Variants in ARHGEF4 observed in about 807,000 individuals in gnomAD.
ARHGEF4 encodes the protein Rho guanine nucleotide exchange factor 4, also known as APC-stimulated guanine nucleotide exchange factor 1.
In ARHGEF4, 119 loss-of-function variants were observed where a neutral mutation model predicts 162.0. The observed-to-expected ratio is 0.73, with a 90% confidence interval of 0.63 to 0.86. The LOEUF (loss-of-function observed/expected upper bound fraction) is 0.86. ARHGEF4 is among the 40% of genes least tolerant of loss of function. The pLI is 0.00. For missense variants in ARHGEF4, 2,488 were observed against 2,456.0 expected (o/e 1.01, Z -0.28); for synonymous variants, 1,014 against 979.9 (o/e 1.03, Z -0.65).
chr2:130,988,130 ACT>A (rs1237537253), intron 4 of ARHGEF4, among the ~76,000 whole-genome samples: 2 of 152,180 alleles, frequency 1.3e-5, no homozygotes, highest in Non-Finnish European at 2.9e-5. Context: ...GGAATGAAGG[ACT>A]CTGGCAGAAA....
At chr2:131,033,292 A>C (rs2105381653) in intron 5 of ARHGEF4, among the ~76,000 whole-genome samples, 1 of 152,346 alleles carries the variant, frequency 6.6e-6, no homozygotes, top group African/African-American at 2.4e-5. Flanking sequence ...GACCCTGCTC[A>C]GTCCTCAGTC....
chr2:130,924,838 C>T (rs991082463), intron 2 of ARHGEF4, among the ~76,000 whole-genome samples: 18 of 152,266 alleles, frequency 1.2e-4, no homozygotes, highest in African/African-American at 3.9e-4. Flanking sequence ...TCTGACCTGA[C>T]GGTGAGCCTT....
chr2:130,905,797 T>A (rs1014507548), intron 1 of ARHGEF4, among the ~76,000 whole-genome samples: 5 of 152,204 alleles, frequency 3.3e-5, no homozygotes, highest in African/African-American at 4.8e-5. Flanking sequence ...ACCTAATTTA[T>A]AAATTAAACT....
intron 1 of ARHGEF4, among the ~76,000 whole-genome samples, chr2:130,900,914 C>G (rs1680448146): frequency 6.6e-6 from 1 of 152,126 alleles, no homozygotes; most frequent in Non-Finnish European, 1.5e-5. Flanking sequence ...TGAGCATTTG[C>G]AATGCTATCC....
chr2:130,961,299 T>C (rs1257432292), intron 4 of ARHGEF4, among the ~76,000 whole-genome samples: 3 of 151,786 alleles, frequency 2.0e-5, no homozygotes, highest in Non-Finnish European at 4.4e-5. Context: ...CACTGACAGA[T>C]GGAATAAGTG....
intron 12 of ARHGEF4, 61 bp from the exon 13 acceptor site, chr2:131,045,308 C>T (rs1475678112): frequency 2.0e-6 from 3 of 1,476,380 alleles, no homozygotes; most frequent in Non-Finnish European, 2.8e-6. Flanking sequence ...TGCAGGTGTG[C>T]AGGGAACTGC....
At chr2:130,970,514 G>A (rs765515082) in intron 4 of ARHGEF4, among the ~76,000 whole-genome samples, 42 of 150,464 alleles carry the variant, frequency 2.8e-4, no homozygotes, top group Non-Finnish European at 1.6e-4. Flanking sequence ...GCTTGAACCC[G>A]GGAGGCGGAG....
intron 1 of ARHGEF4, among the ~76,000 whole-genome samples, chr2:130,885,564 C>CTTT (rs961513941): frequency 1.4e-4 from 14 of 100,368 alleles, no homozygotes; most frequent in Non-Finnish European, 2.5e-4. Context: ...TTTTCTTATT[C>CTTT]TTTTTTTTTT....
At chr2:131,028,956 C>T (rs967333817) in intron 5 of ARHGEF4, among the ~76,000 whole-genome samples, 1 of 152,200 alleles carries the variant, frequency 6.6e-6, no homozygotes, top group Non-Finnish European at 1.5e-5. Flanking sequence ...AGTTGGGGGG[C>T]TTCTCAGAAG....
Position 131,046,293 on chromosome 2 carries a change from G to A in ARHGEF4, c.*104G>A. On this transcript the variant is annotated 3_prime_UTR_variant, in exon 14 of 14. Transcript: ENST00000409359. ...CTGGCCTTCCTCTGCCTGCAAGTGA[G>A]CAGGGATGGGCTGGGGAGTTGCTTG... 8.2e-7 allele frequency: 1 copy of A among 1,219,906 alleles called. No individual in the cohort carries two copies. Among genetic ancestry groups the A allele is most frequent in the African/African-American group, 1.5e-5 (1 of 66,678 alleles). The allele number at this position is 1,219,906 out of a possible 1,614,324, so 75.6% of individuals were successfully genotyped here.
intron 1 of ARHGEF4, among the ~76,000 whole-genome samples, chr2:130,911,802 C>T (rs1681206849): frequency 6.6e-6 from 1 of 152,250 alleles, no homozygotes; most frequent in Non-Finnish European, 1.5e-5. Flanking sequence ...CCCTGCCTCA[C>T]AGGTAGTGCC....
intron 8 of ARHGEF4, 40 bp from the exon 9 acceptor site, chr2:131,041,190 G>T (rs745442536): frequency 6.5e-7 from 1 of 1,549,250 alleles, no homozygotes; most frequent in Non-Finnish European, 8.9e-7. Context: ...GCCTGTGGGA[G>T]CAGCAGAGAG....
chr2:130,934,149 A>G (rs1259644956), intron 3 of ARHGEF4, among the ~76,000 whole-genome samples: 4 of 152,222 alleles, frequency 2.6e-5, no homozygotes, highest in African/African-American at 7.2e-5. Flanking sequence ...TTTTAAGTGC[A>G]TGATCAATTT....
intron 1 of ARHGEF4, 67 bp downstream of exon 1, chr2:130,837,059 G>A (rs1680243684): frequency 8.2e-7 from 1 of 1,214,806 alleles, no homozygotes; most frequent in East Asian, 3.2e-5. Context: ...GAGGAGCACA[G>A]CCCGCGCTGG....
chr2:131,033,549 C>T (rs1690014086), intron 5 of ARHGEF4, among the ~76,000 whole-genome samples: 1 of 152,194 alleles, frequency 6.6e-6, no homozygotes. Flanking sequence ...GTTCAGAGGC[C>T]ACAGGTGCAC....
chr2:130,921,025 C>T (rs2105071908), intron 2 of ARHGEF4, among the ~76,000 whole-genome samples: 1 of 152,290 alleles, frequency 6.6e-6, no homozygotes, highest in East Asian at 1.9e-4. Flanking sequence ...TCCCTTCCTC[C>T]TCCCTGCCCT....
At chr2:130,947,478 C>A (rs748629293) in intron 4 of ARHGEF4, among the ~76,000 whole-genome samples, 1 of 152,166 alleles carries the variant, frequency 6.6e-6, no homozygotes, top group African/African-American at 2.4e-5. Flanking sequence ...ACTGTCCCTT[C>A]GTCTCGTAGT....
Position 130,931,270 on chromosome 2 carries a change from C to T in ARHGEF4, c.3858+13C>T, listed in dbSNP as rs201991731. On this transcript the variant is annotated intron_variant, in intron 3 of 13. Coordinates refer to ENST00000409359, the MANE Select transcript of ARHGEF4 (RefSeq NM_001367493.1). ...AGATGGAGTCAAGGTAAGCCACTCC[C>T]GGCCAGGAGTCCTCAGACTTGGTCT... 3.2e-5 allele frequency: 50 copies of T among 1,586,284 alleles called. No homozygotes were observed. In the Admixed American group the frequency reaches 5.7e-4, roughly 18 times the overall value.
intron 1 of ARHGEF4, 56 bp from the exon 2 acceptor site, chr2:130,913,930 A>G (rs1406307209): frequency 1.3e-6 from 2 of 1,528,728 alleles, no homozygotes; most frequent in African/African-American, 1.4e-5. Flanking sequence ...CGGTGTAAAC[A>G]TGTGCACAGA....
Sources: gnomAD v4.1 joint callset for allele counts (sites outside exome capture counted in the v4.1 genomes callset) on GRCh38, gnomAD v4.1.1 for gene constraint, MANE v1.5 for transcripts, NCBI Gene and HGNC (gene_info 2026-07-23, HGNC 2026-07-21) for gene names.